The following MRPL34 variants were observed in gnomAD, a reference collection of about 807,000 sequenced individuals.
MRPL34 encodes large ribosomal subunit protein bL34m.
A neutral mutation model predicts 6.7 loss-of-function variants in MRPL34; 8 were observed. That is an observed-to-expected ratio of 1.20 (90% CI 0.70 to 2.16). The LOEUF is 2.16. Ranked by LOEUF, MRPL34 falls within the 30% of genes most tolerant of loss-of-function variation. The probability of loss-of-function intolerance (pLI) is 0.00; values close to 1 mark genes in which losing one functional copy is unlikely to be tolerated. For missense variants in MRPL34, 146 were observed against 125.5 expected (o/e 1.16, Z -0.78); for synonymous variants, 59 against 55.1 (o/e 1.07, Z -0.31).
At chr19:17,301,560 G>C (rs546146109), upstream of MRPL34, 1 of 1,599,686 alleles carries the variant, frequency 6.3e-7, no homozygotes, top group Non-Finnish European at 8.5e-7. Flanking sequence ...GCCCCACGGC[G>C]TTGGGGGGCG....
At chr19:17,295,763 G>A (rs1452667728) in intron 1 of MRPL34, among the ~76,000 whole-genome samples, 1 of 152,024 alleles carries the variant, frequency 6.6e-6, no homozygotes, top group Non-Finnish European at 1.5e-5. Context: ...GGAGTGGTGC[G>A]GTGGCGTAAT....
upstream of MRPL34, among the ~76,000 whole-genome samples, chr19:17,305,241 CTTTTTTT>C (rs34823570): frequency 4.5e-4 from 54 of 121,220 alleles, 1 homozygote; most frequent in Admixed American, 3.1e-3. Flanking sequence ...ATTTTTCTTC[CTTTTTTT>C]TTTTTTTTTT....
At chr19:17,301,644 C>G (rs374747961), upstream of MRPL34, 12 of 1,518,208 alleles carry the variant, frequency 7.9e-6, no homozygotes, top group African/African-American at 1.2e-4. Flanking sequence ...AGGACAGCAG[C>G]CAGTTCAGGT....
upstream of MRPL34, among the ~76,000 whole-genome samples, chr19:17,304,476 C>A (rs2074136676): frequency 6.6e-6 from 1 of 152,206 alleles, no homozygotes. Context: ...TTTTGCTAAA[C>A]GATGCTACAG....
At chr19:17,302,420 C>G (rs771701701), upstream of MRPL34, among the ~76,000 whole-genome samples, 6 of 152,236 alleles carry the variant, frequency 3.9e-5, no homozygotes, top group Non-Finnish European at 8.8e-5. Flanking sequence ...GGTATGCACT[C>G]ACTAACTCAC....
Position 17,305,873 on chromosome 19 carries a change from C to G in MRPL34, c.-20C>G, listed in dbSNP as rs748535624. 9 of 1,613,624 alleles carry G rather than the reference C, an allele frequency of 5.6e-6. No homozygotes were observed. Among genetic ancestry groups the G allele is most frequent in the South Asian group, 1.1e-5 (1 of 91,084 alleles). On this transcript the variant is annotated 5_prime_UTR_variant, in exon 1 of 2. Transcript: ENST00000252602. Reference sequence around the variant, plus strand: ...GCTCCGGAATCGCCCGCAGCCGGTACTGCGGGACCCACTGCGGATATGGCT... The same window carrying G: ...GCTCCGGAATCGCCCGCAGCCGGTAGTGCGGGACCCACTGCGGATATGGCT...
rs369132806 is a variant in MRPL34, at chr19:17,306,281, A to T, written c.181A>T (p.Lys61Ter). ...GTATCAGCCGAGCAACATCAAACGC[A>T]AGAACAAGCACGGCTGGGTCCGGCG... ...NEYQPSNIKR[K>*]NKHGWVRRLS... is the part of the protein sequence containing the mutation. Residue 61 changes from lysine to a stop codon, truncating the protein, a stop_gained, in exon 2 of 2, where the codon AAG becomes TAG. Transcript: ENST00000252602. LOFTEE classifies it high-confidence loss of function. 3.1e-6 allele frequency: 5 copies of T among 1,609,408 alleles called. No individual in the cohort carries two copies. The highest frequency in any genetic ancestry group is 3.4e-6 in the Non-Finnish European group (4 of 1,178,676).
At position 17,306,664 on chromosome 19, in the gene MRPL34, T is replaced by A; in HGVS notation, c.*285T>A. 1 of 275,158 alleles carries A rather than the reference T, an allele frequency of 3.6e-6. No homozygotes were observed. Among genetic ancestry groups the A allele is most frequent in the Non-Finnish European group, 6.8e-6 (1 of 147,460 alleles). 17.0% of individuals were successfully genotyped at this position (275,158 alleles called of 1,614,324 possible). ...CCTACAACCCGTCCCTGCCCCATCC[T>A]GAGTTCTTTTGAAGCTGATCTCAGG... On this transcript the variant is annotated 3_prime_UTR_variant, in exon 2 of 2. Transcript: ENST00000252602.
At chr19:17,300,146 C>T (rs1168158650), upstream of MRPL34, among the ~76,000 whole-genome samples, 8 of 152,032 alleles carry the variant, frequency 5.3e-5, no homozygotes, top group African/African-American at 1.7e-4. Flanking sequence ...CCTCGTGATC[C>T]GCCCGCCTCA....
chr19:17,299,211 A>G (rs2074106012), upstream of MRPL34, among the ~76,000 whole-genome samples: 1 of 148,456 alleles, frequency 6.7e-6, no homozygotes, highest in African/African-American at 2.5e-5. Flanking sequence ...GGAGTTCAAG[A>G]CCAGCCTGGG....
chr19:17,298,073 C>A (rs140783938), upstream of MRPL34: 7,598 of 152,086 alleles, frequency 0.05, 274 homozygotes, highest in East Asian at 0.12. Context: ...TGCCACCATG[C>A]CTGGCTAATT....
exon 1 of MRPL34, chr19:17,292,672 C>T (rs1159618102): frequency 2.5e-6 from 4 of 1,610,732 alleles, no homozygotes; most frequent in African/African-American, 2.7e-5. Flanking sequence ...TACTTCTTGT[C>T]TTCTGGAGGC....
chr19:17,298,064 GC>G (rs1313457264), upstream of MRPL34: 1 of 151,922 alleles, frequency 6.6e-6, no homozygotes, highest in East Asian at 1.9e-4. Flanking sequence ...ACAGGCGCCT[GC>G]CACCATGCCT....
intron 1 of MRPL34, chr19:17,294,360 G>T: frequency 1.2e-6 from 2 of 1,613,620 alleles, no homozygotes; most frequent in Non-Finnish European, 8.5e-7. Context: ...GGACGGGCAC[G>T]GTGAGCTCGG....
chr19:17,301,247 G>A (rs1036904356), upstream of MRPL34: 1 of 1,597,120 alleles, frequency 6.3e-7, no homozygotes, highest in Non-Finnish European at 8.5e-7. Context: ...CTGCCCGCCG[G>A]ATCTGCCAGC....
upstream of MRPL34, chr19:17,301,092 G>A (rs536054282): frequency 5.0e-6 from 8 of 1,613,440 alleles, no homozygotes; most frequent in South Asian, 1.1e-5. Flanking sequence ...AGAGCACCAC[G>A]TCGGCCTGGG....
At chr19:17,294,488 G>C (rs1371071198) in intron 1 of MRPL34, 29 of 1,613,972 alleles carry the variant, frequency 1.8e-5, no homozygotes, top group Non-Finnish European at 2.5e-5. Flanking sequence ...TTGGCTCCTT[G>C]GCGGGCGAAG....
upstream of MRPL34, among the ~76,000 whole-genome samples, chr19:17,299,030 C>G (rs1414627024): frequency 1.3e-5 from 2 of 152,176 alleles, no homozygotes; most frequent in African/African-American, 4.8e-5. Context: ...GCGTAAGCCA[C>G]TGCACCTGGC....
intron 1 of MRPL34, chr19:17,294,441 G>T (rs1017154349): frequency 3.1e-6 from 5 of 1,614,164 alleles, no homozygotes; most frequent in East Asian, 2.2e-5. Flanking sequence ...AGGATGACAC[G>T]TTGAAAGCGT....
Sources: gnomAD v4.1 joint callset for allele counts (sites outside exome capture counted in the v4.1 genomes callset) on GRCh38, gnomAD v4.1.1 for gene constraint, MANE v1.5 for transcripts, NCBI Gene and HGNC (gene_info 2026-07-23, HGNC 2026-07-21) for gene names.